Variants in BSN observed in about 807,000 individuals in gnomAD.
BSN encodes the protein protein bassoon.
Under a neutral mutation model 264.8 loss-of-function variants are expected in BSN, and 57 were observed. The ratio of observed to expected loss-of-function variants is 0.22; its 90% CI spans 0.17 to 0.27. The LOEUF (loss-of-function observed/expected upper bound fraction) is 0.27, where lower values mean the gene tolerates loss of function less well. Among genes scored for constraint, BSN ranks in the 10% least tolerant of loss-of-function variants. BSN has a pLI of 1.00. For synonymous variants in BSN, 2,059 were observed against 2,137.3 expected (o/e 0.96, Z 1.01); for missense variants, 4,615 against 5,232.5 (o/e 0.88, Z 3.64).
At chr3:49,574,153 A>T (rs2051822218) in intron 1 of BSN, among the ~76,000 whole-genome samples, 1 of 108,514 alleles carries the variant, frequency 9.2e-6, no homozygotes, top group Admixed American at 9.3e-5. Context: ...TTTTTTGTAG[A>T]GATGGGGTTT....
chr3:49,604,403 GT>G (rs1194947632), intron 1 of BSN, among the ~76,000 whole-genome samples: 2 of 152,060 alleles, frequency 1.3e-5, no homozygotes, highest in Non-Finnish European at 2.9e-5. Context: ...GATAACTACT[GT>G]TTTAGTTTCT....
chr3:49,643,391 G>T (rs2052482336), intron 3 of BSN, among the ~76,000 whole-genome samples: 2 of 152,176 alleles, frequency 1.3e-5, no homozygotes, highest in Non-Finnish European at 2.9e-5. Flanking sequence ...TCAGACTAGT[G>T]CCCTAAGGCT....
chr3:49,635,784 G>A (rs2052416002), intron 2 of BSN, among the ~76,000 whole-genome samples: 1 of 152,124 alleles, frequency 6.6e-6, no homozygotes. Context: ...GGAGCAGCCT[G>A]AGTAACATGG....
intron 1 of BSN, among the ~76,000 whole-genome samples, chr3:49,587,777 T>A (rs184892754): frequency 3.3e-5 from 5 of 152,084 alleles, no homozygotes; most frequent in African/African-American, 7.2e-5. Flanking sequence ...CCTATGCAAA[T>A]GTCTGATTGG....
Position 49,653,363 on chromosome 3 carries a change from C to T in BSN, c.3807C>T (p.Arg1269=), listed in dbSNP as rs1334251748. 6 of 1,613,208 alleles carry T rather than the reference C, an allele frequency of 3.7e-6. No homozygotes were observed. In the Admixed American group the frequency reaches 1.0e-4, roughly 27 times the overall value. ...TTCAGACATCACAGAGCATAGTCCG[C>T]ATGCGGCAGGCCTCCTCACGAGACC... ...EILQTSQSIV[R]MRQASSRDLA... The change falls in exon 5 of 12, where the codon CGC becomes CGT. Residue 1269 remains arginine, a synonymous_variant. Transcript: ENST00000296452. The surrounding 1 kb of genome is among the most constrained non-coding windows in gnomAD (Gnocchi z 6.3).
Position 49,624,317 on chromosome 3 carries a change from T to TTTTTTTTTTTTTTTG in BSN, c.225-658_225-657insTTTTTTTTTTTTTTG, listed in dbSNP as rs1559607969. 2.5e-4 allele frequency among the ~76,000 whole-genome samples: 32 copies of TTTTTTTTTTTTTTTG among 127,868 alleles called. 1 individual carries two copies. The highest frequency in any genetic ancestry group is 6.3e-3 in the Middle Eastern group (1 of 158). The allele number at this position is 127,868 out of a possible 152,430, so 83.9% of individuals were successfully genotyped here. A position where few individuals can be genotyped will look rare whatever the true frequency, so the allele number is the denominator to read the frequency against. On this transcript the variant is annotated intron_variant, in intron 1 of 11. Coordinates refer to ENST00000296452, the MANE Select transcript of BSN (RefSeq NM_003458.4). ...TGCCCAGCCTTTTTTTTTTTTTTTT[T>TTTTTTTTTTTTTTTG]AGACAGGGTCTCACTCTGTTGCCCA...
Position 49,662,330 on chromosome 3 carries a change from C to T in BSN, c.10485C>T (p.Pro3495=). The T allele has an allele frequency of 6.2e-7, 1 of 1,613,640 alleles. No individual in the cohort carries two copies. The highest frequency in any genetic ancestry group is 8.5e-7 in the Non-Finnish European group (1 of 1,179,816). The change falls in exon 6 of 12, where the codon CCC becomes CCT. Residue 3495 remains proline, a synonymous_variant. Transcript: ENST00000296452. ...SLSMAHSRVR[P]PMRSQASEEE... ...GTATGGCCCACAGCCGGGTACGACC[C>T]CCCATGCGGAGCCAGGCCTCTGAAG... is the stretch of plus-strand genomic sequence containing the variant.
At chr3:49,650,140 C>A (rs2052529456) in intron 3 of BSN, among the ~76,000 whole-genome samples, 1 of 151,764 alleles carries the variant, frequency 6.6e-6, no homozygotes, top group Non-Finnish European at 1.5e-5. Flanking sequence ...TGGAGTCAGA[C>A]CTGAGAGCTG....
intron 2 of BSN, among the ~76,000 whole-genome samples, chr3:49,633,077 C>T (rs989676751): frequency 5.9e-5 from 9 of 152,008 alleles, no homozygotes; most frequent in Admixed American, 3.3e-4. Flanking sequence ...GAGGCTGAGG[C>T]GGGTGGATCA....
chr3:49,647,937 C>G (rs1366611781), intron 3 of BSN, among the ~76,000 whole-genome samples: 1 of 152,244 alleles, frequency 6.6e-6, no homozygotes, highest in Non-Finnish European at 1.5e-5. Context: ...GCCCTTACTT[C>G]ACACGCCTCT....
chr3:49,595,998 G>A (rs1427437387), intron 1 of BSN, among the ~76,000 whole-genome samples: 1 of 151,550 alleles, frequency 6.6e-6, no homozygotes, highest in Non-Finnish European at 1.5e-5. Flanking sequence ...TATTTTATTT[G>A]CCTTATTGTG....
chr3:49,562,553 T>A (rs1450050359), intron 1 of BSN, among the ~76,000 whole-genome samples: 1 of 152,244 alleles, frequency 6.6e-6, no homozygotes, highest in East Asian at 1.9e-4. Context: ...CATATATTTG[T>A]ATGGTATTTT....
In BSN at chr3:49,668,949, C is replaced by A. The variant is rs1447126712; in HGVS notation, c.*1464C>A. 6.6e-6 allele frequency: 1 copy of A among 152,304 alleles called. No individual in the cohort carries two copies. Among genetic ancestry groups the A allele is most frequent in the Admixed American group, 6.5e-5 (1 of 15,270 alleles). 9.4% of individuals were successfully genotyped at this position (152,304 alleles called of 1,614,324 possible). A position where few individuals can be genotyped will look rare whatever the true frequency, so the allele number is the denominator to read the frequency against. On this transcript the variant is annotated 3_prime_UTR_variant, in exon 12 of 12. Transcript: ENST00000296452. ...ATGCAATTGAGAAACTGGATAGATACACTCATAAAACCCCCACCCCTCCCC... is the reference window on the plus strand; with the variant it reads ...ATGCAATTGAGAAACTGGATAGATAAACTCATAAAACCCCCACCCCTCCCC...
At chr3:49,569,080 A>C (rs907386127) in intron 1 of BSN, among the ~76,000 whole-genome samples, 1 of 152,096 alleles carries the variant, frequency 6.6e-6, no homozygotes, top group East Asian at 1.9e-4. Flanking sequence ...AGTCAGGAGG[A>C]GCTCTGAGTT....
chr3:49,596,297 G>C (rs1020363021), intron 1 of BSN, among the ~76,000 whole-genome samples: 1 of 152,072 alleles, frequency 6.6e-6, no homozygotes, highest in Non-Finnish European at 1.5e-5. Context: ...CCAGCTACTC[G>C]GGAGGCTGAG....
chr3:49,663,519 G>T lies in BSN; in HGVS notation c.11361G>T (p.Leu3787=). 6.2e-7 allele frequency: 1 copy of T among 1,612,642 alleles called. No homozygotes were observed. The highest frequency in any genetic ancestry group is 8.5e-7 in the Non-Finnish European group (1 of 1,179,892). ...QTQQQQQGLG[L]QPPQQALTQA... is the part of the protein sequence containing the mutation. ...AGCAGCAGCAGCAAGGTCTTGGGCT[G>T]CAGCCCCCACAGCAGGCTCTGACAC... Residue 3787 remains leucine (L), a synonymous_variant, in exon 7 of 12, where the codon CTG becomes CTT. Coordinates refer to ENST00000296452, the MANE Select transcript of BSN (RefSeq NM_003458.4).
chr3:49,639,646 A>G (rs79859661), intron 2 of BSN, among the ~76,000 whole-genome samples: 1,934 of 152,242 alleles, frequency 0.013, 36 homozygotes, highest in African/African-American at 0.044. Flanking sequence ...TGCAGTGCTG[A>G]CTTCTAGAGC....
At chr3:49,588,773 T>C (rs1442907469) in intron 1 of BSN, among the ~76,000 whole-genome samples, 1 of 152,242 alleles carries the variant, frequency 6.6e-6, no homozygotes, top group Non-Finnish European at 1.5e-5. Flanking sequence ...AATTTAATTA[T>C]ATTGTGTTCA....
Position 49,638,372 on chromosome 3 carries a change from C to A in BSN, c.634-3896C>A, listed in dbSNP as rs1447934588. Among the ~76,000 whole-genome samples, 4 of 152,190 alleles carry A rather than the reference C, an allele frequency of 2.6e-5. No individual in the cohort carries two copies. Among genetic ancestry groups the A allele is most frequent in the African/African-American group, 9.7e-5 (4 of 41,440 alleles). ...CCTACCCCGTGGACAGCCTCCATCC[C>A]CCTGAGTGTGGGGATAGGGGCCTTG... On this transcript the variant is annotated intron_variant, in intron 2 of 11. Transcript: ENST00000296452. The surrounding 1 kb of genome is among the most constrained non-coding windows in gnomAD (Gnocchi z 4.3).
Sources: gnomAD v4.1 joint callset for allele counts (sites outside exome capture counted in the v4.1 genomes callset) on GRCh38, gnomAD v4.1.1 for gene constraint, Gnocchi (gnomAD v3.1) non-coding constraint, MANE v1.5 for transcripts, NCBI Gene and HGNC (gene_info 2026-07-23, HGNC 2026-07-21) for gene names.